ABCB4: variants seen among roughly 807,000 people sequenced by gnomAD.
The protein encoded by ABCB4 is phosphatidylcholine translocator ABCB4.
ABCB4 carries 76 observed loss-of-function variants against 145.7 expected under a neutral mutation model. That is an observed-to-expected ratio of 0.52 (90% confidence interval 0.43 to 0.63). The LOEUF is 0.63. ABCB4 is among the 30% of genes least tolerant of loss of function. The pLI, the probability that ABCB4 is intolerant of heterozygous loss-of-function variation, is 0.00. For synonymous variants in ABCB4, 517 were observed against 566.8 expected (o/e 0.91, Z 1.25); for missense variants, 1,234 against 1,553.1 (o/e 0.79, Z 3.45).
chr7:87,449,527 G>T (rs1811566874), intron 8 of ABCB4, among the ~76,000 whole-genome samples: 1 of 150,862 alleles, frequency 6.6e-6, no homozygotes, highest in Admixed American at 6.6e-5. Flanking sequence ...TTGACATTCT[G>T]GGCTCAAGGG....
At chr7:87,381,546 T>C in the ABCB4 span, among the ~76,000 whole-genome samples, 1 of 152,214 alleles carries the variant, frequency 6.6e-6, no homozygotes, top group Non-Finnish European at 1.5e-5. Flanking sequence ...TTTTCCACCC[T>C]GTTCTTACAA....
At chr7:87,426,662 C>A in intron 16 of ABCB4, 88 bp downstream of exon 16, 4 of 1,380,568 alleles carry the variant, frequency 2.9e-6, no homozygotes, top group Non-Finnish European at 4.1e-6. Flanking sequence ...GTCATCTGTG[C>A]CTGAAAAATA....
intron 11 of ABCB4, 91 bp from the exon 12 acceptor site, chr7:87,443,535 A>G (rs1171223459): frequency 6.4e-7 from 1 of 1,570,920 alleles, no homozygotes; most frequent in African/African-American, 1.4e-5. Flanking sequence ...AAAAAAAAGT[A>G]TCAAATAAGG....
At chr7:87,394,972 A>G in the ABCB4 span, among the ~76,000 whole-genome samples, 1 of 151,524 alleles carries the variant, frequency 6.6e-6, no homozygotes, top group African/African-American at 2.4e-5. Context: ...AATGCAGACA[A>G]ATGTGCCCTA....
chr7:87,463,438 A>G (rs1220887505), intron 3 of ABCB4, among the ~76,000 whole-genome samples: 5 of 152,222 alleles, frequency 3.3e-5, no homozygotes, highest in Admixed American at 3.3e-4. Context: ...GTGTGTCTAT[A>G]TATGCACCTT....
intron 12 of ABCB4, among the ~76,000 whole-genome samples, chr7:87,442,031 A>G (rs1811023530): frequency 6.6e-6 from 1 of 152,322 alleles, no homozygotes. Flanking sequence ...TTAAATCATG[A>G]TGTTAACAGT....
Position 87,420,179 on chromosome 7 carries a change from C to T in ABCB4, c.2317-104G>A, listed in dbSNP as rs1247002759. On this transcript the variant is annotated intron_variant, in intron 18 of 27. Transcript: ENST00000649586. ...TGTAGCAAAGTTATGAGTTGTTTTA[C>T]AGTTGCCACGGATCCTCAAGTCATG... 4.7e-6 allele frequency: 5 copies of T among 1,074,416 alleles called. No homozygotes were observed. In the African/African-American group the frequency reaches 6.2e-5, roughly 13 times the overall value. 66.6% of individuals were successfully genotyped at this position (1,074,416 alleles called of 1,614,324 possible).
At chr7:87,386,867 A>C in the ABCB4 span, among the ~76,000 whole-genome samples, 2 of 152,092 alleles carry the variant, frequency 1.3e-5, no homozygotes, top group Non-Finnish European at 2.9e-5. Flanking sequence ...GGCTGCCTTT[A>C]GGATTTTTTT....
At chr7:87,419,189 T>C (rs906092882) in intron 19 of ABCB4, among the ~76,000 whole-genome samples, 2 of 152,226 alleles carry the variant, frequency 1.3e-5, no homozygotes, top group Admixed American at 6.5e-5. Context: ...TCTTTTACCT[T>C]CACATAAAAT....
Position 87,420,053 on chromosome 7 carries a change from C to A in ABCB4, c.2339G>T (p.Gly780Val). The change falls in exon 19 of 28, where the codon GGC becomes GTC. Residue 780 changes from glycine (G) to valine (V), a missense_variant. Physicochemically the swap from Gly to Val is moderately radical, Grantham distance 109. Around this residue, in one of 7 missense-constraint regions of ABCB4, gnomAD observed 321 missense variants for 332.6 expected, o/e 0.97. Transcript: ENST00000649586. The stretch of plus-strand genomic sequence containing the variant: ...CCGCAGTCTTCTGGTGAGGATCTCG[C>A]CAGCTTTCCCAAACGTGAAACCCTG... ...FLQGFTFGKA[G>V]EILTRRLRSM... 6.2e-7 allele frequency: 1 copy of A among 1,613,994 alleles called. No individual in the cohort carries two copies. Among genetic ancestry groups the A allele is most frequent in the South Asian group, 1.1e-5 (1 of 91,072 alleles).
the ABCB4 span, among the ~76,000 whole-genome samples, chr7:87,387,714 G>A: frequency 6.6e-6 from 1 of 152,214 alleles, no homozygotes; most frequent in African/African-American, 2.4e-5. Context: ...CACTTTGGGA[G>A]GCTGAGGCAG....
chr7:87,467,096 C>A (rs1009515519), intron 3 of ABCB4, among the ~76,000 whole-genome samples: 1 of 152,138 alleles, frequency 6.6e-6, no homozygotes, highest in African/African-American at 2.4e-5. Flanking sequence ...TTAAAAGACA[C>A]AGACTGGCAA....
At chr7:87,405,835 G>T (rs45585441) in intron 26 of ABCB4, 1 of 225,428 alleles carries the variant, frequency 4.4e-6, no homozygotes, top group Admixed American at 5.2e-5. Flanking sequence ...AATAAGATGA[G>T]TGGAGTGTAT....
intron 15 of ABCB4, among the ~76,000 whole-genome samples, chr7:87,429,130 C>T (rs1451335949): frequency 1.3e-5 from 2 of 152,208 alleles, no homozygotes; most frequent in African/African-American, 4.8e-5. Flanking sequence ...CATCTGCTGA[C>T]TCTCAGGCTC....
chr7:87,396,261 T>G, the ABCB4 span, among the ~76,000 whole-genome samples: 4 of 152,144 alleles, frequency 2.6e-5, no homozygotes, highest in African/African-American at 9.7e-5. Flanking sequence ...AGACCTCATC[T>G]CTATTAAAAA....
intron 2 of ABCB4, among the ~76,000 whole-genome samples, chr7:87,473,512 C>G (rs1463043924): frequency 6.6e-6 from 1 of 152,154 alleles, no homozygotes; most frequent in Non-Finnish European, 1.5e-5. Context: ...TCTTTCAAGT[C>G]TTTGCTCAAA....
In ABCB4 at chr7:87,401,794, C is replaced by T. The variant is rs1438283264; in HGVS notation, c.*302G>A. 1 of 470,772 alleles carries T rather than the reference C, an allele frequency of 2.1e-6. No homozygotes were observed. The highest frequency in any genetic ancestry group is 3.9e-6 in the Non-Finnish European group (1 of 253,408). 29.2% of individuals were successfully genotyped at this position (470,772 alleles called of 1,614,324 possible). On this transcript the variant is annotated 3_prime_UTR_variant, in exon 28 of 28. Coordinates refer to ENST00000649586, the MANE Select transcript of ABCB4 (RefSeq NM_000443.4). Reference sequence around the variant, plus strand: ...CATTCAGGACCATAAGACCATTTCCCTATGTCTGTGGCTTCTATATTTCTA... The same window carrying T: ...CATTCAGGACCATAAGACCATTTCCTTATGTCTGTGGCTTCTATATTTCTA...
the ABCB4 span, among the ~76,000 whole-genome samples, chr7:87,393,236 T>C: frequency 1.3e-5 from 2 of 152,328 alleles, no homozygotes; most frequent in Non-Finnish European, 2.9e-5. Context: ...TGTTTCTCTG[T>C]CCTGCTTTTG....
intron 7 of ABCB4, 148 bp from the exon 8 acceptor site, chr7:87,450,240 A>G (rs1811622286): frequency 3.5e-6 from 4 of 1,127,954 alleles, no homozygotes; most frequent in African/African-American, 1.5e-5. Flanking sequence ...TTCTGGATCC[A>G]ATGGCTGCGT....
Sources: gnomAD v4.1 joint callset for allele counts (sites outside exome capture counted in the v4.1 genomes callset) on GRCh38, gnomAD v4.1.1 for gene constraint, gnomAD v4.1.1 regional missense constraint, MANE v1.5 for transcripts, NCBI Gene and HGNC (gene_info 2026-07-23, HGNC 2026-07-21) for gene names.